Variants in SPATA13 observed in about 807,000 individuals in gnomAD.
SPATA13 encodes spermatogenesis-associated protein 13.
A neutral mutation model predicts 104.0 loss-of-function variants in SPATA13; 50 were observed. That is an observed-to-expected ratio of 0.48 (90% CI 0.38 to 0.61). SPATA13 has a LOEUF of 0.61. Ranked by LOEUF, SPATA13 falls within the 20% of genes least tolerant of loss-of-function variation. The probability of loss-of-function intolerance (pLI) is 0.00; values close to 1 mark genes in which losing one functional copy is unlikely to be tolerated. For synonymous variants in SPATA13, 606 were observed against 667.5 expected, an observed-to-expected ratio of 0.91 and a Z score of 1.42; for missense variants, 1,524 against 1,690.6, an observed-to-expected ratio of 0.90 and a Z score of 1.73.
intron 3 of SPATA13, among the ~76,000 whole-genome samples, chr13:24,025,848 C>T (rs9578669): frequency 0.076 from 11,101 of 146,642 alleles, 603 homozygotes; most frequent in South Asian, 0.14. Flanking sequence ...CTCACTCTAT[C>T]GCCTGGGCTG....
chr13:24,143,692 C>A (rs1261690173), intron 3 of SPATA13, among the ~76,000 whole-genome samples: 1 of 152,154 alleles, frequency 6.6e-6, no homozygotes, highest in Non-Finnish European at 1.5e-5. Flanking sequence ...CCCGAAACGT[C>A]CTCCAGGGGA....
intron 3 of SPATA13, among the ~76,000 whole-genome samples, chr13:24,037,554 T>C (rs368195445): frequency 7.4e-6 from 1 of 135,196 alleles, no homozygotes; most frequent in Admixed American, 7.4e-5. Context: ...ACTACAGGTG[T>C]GCACACCACC....
chr13:24,122,240 G>T, intron 3 of SPATA13: 2 of 1,332,260 alleles, frequency 1.5e-6, no homozygotes, highest in Non-Finnish European at 2.2e-6. Flanking sequence ...AAGATGGTGA[G>T]TCAGAGCCTG....
chr13:24,020,444 G>C (rs1461184960), intron 3 of SPATA13, among the ~76,000 whole-genome samples: 2 of 152,156 alleles, frequency 1.3e-5, no homozygotes, highest in Non-Finnish European at 2.9e-5. Flanking sequence ...TTTAAAAGCA[G>C]ATTCACAATC....
intron 3 of SPATA13, among the ~76,000 whole-genome samples, chr13:24,019,421 A>T (rs897834647): frequency 6.6e-5 from 10 of 152,190 alleles, no homozygotes; most frequent in Admixed American, 5.9e-4. Context: ...AACAGTATAT[A>T]GTTTTATACT....
intron 3 of SPATA13, among the ~76,000 whole-genome samples, chr13:24,119,689 G>T (rs1045309731): frequency 6.6e-6 from 1 of 152,178 alleles, no homozygotes; most frequent in African/African-American, 2.4e-5. Flanking sequence ...CTTAGCAAAA[G>T]AATCTGAACT....
chr13:24,041,332 TTCTC>T (rs1258180208), intron 3 of SPATA13, among the ~76,000 whole-genome samples: 1 of 152,230 alleles, frequency 6.6e-6, no homozygotes, highest in East Asian at 1.9e-4. Context: ...GGGTTTTTGT[TTCTC>T]TCTCTTTCAA....
chr13:24,277,167 G>A (rs547920553), intron 4 of SPATA13, among the ~76,000 whole-genome samples: 204 of 152,038 alleles, frequency 1.3e-3, no homozygotes, highest in African/African-American at 4.6e-3. Flanking sequence ...ACCTTGGGCC[G>A]GGCGCGGTGG....
At chr13:24,162,414 T>C (rs893532045) in intron 1 of SPATA13, 1 of 155,644 alleles carries the variant, frequency 6.4e-6, no homozygotes, top group Non-Finnish European at 1.5e-5. Context: ...CCTGGGTTCC[T>C]TGTGTTCTTC....
At chr13:24,296,788 C>T (rs1043162852) in intron 10 of SPATA13, among the ~76,000 whole-genome samples, 1 of 151,842 alleles carries the variant, frequency 6.6e-6, no homozygotes, top group Non-Finnish European at 1.5e-5. Flanking sequence ...GGCACTGTCA[C>T]ATTTTTCTAG....
chr13:24,269,357 CATGTATGTATGTATGTGTGTATGTATGT>C (rs953354994), intron 4 of SPATA13, among the ~76,000 whole-genome samples: 3 of 146,464 alleles, frequency 2.0e-5, no homozygotes, highest in African/African-American at 7.7e-5. Context: ...ACTTGTTTAA[CATGTATGTATGTATGTGTGTATGTATGT>C]ATGTGTGTAT....
chr13:23,983,509 A>G (rs1449904247), intron 1 of SPATA13, among the ~76,000 whole-genome samples: 1 of 152,194 alleles, frequency 6.6e-6, no homozygotes, highest in Non-Finnish European at 1.5e-5. Context: ...GTGGACACTG[A>G]TCTGTGACTT....
chr13:24,112,772 C>A (rs1288764778), intron 3 of SPATA13, among the ~76,000 whole-genome samples: 1 of 152,228 alleles, frequency 6.6e-6, no homozygotes, highest in African/African-American at 2.4e-5. Context: ...CATCCTTCTT[C>A]TGTAAGACCT....
At chr13:24,043,658 C>T (rs1315403832) in intron 3 of SPATA13, among the ~76,000 whole-genome samples, 1 of 128,404 alleles carries the variant, frequency 7.8e-6, no homozygotes, top group Non-Finnish European at 1.8e-5. Context: ...GTATGTCTCT[C>T]GTAACTTTGA....
intron 3 of SPATA13, among the ~76,000 whole-genome samples, chr13:24,020,093 C>T (rs990976580): frequency 6.6e-6 from 1 of 152,222 alleles, no homozygotes; most frequent in African/African-American, 2.4e-5. Context: ...GCCTCACCGA[C>T]AGCCAGACTT....
chr13:24,251,992 G>A lies in SPATA13; in HGVS notation c.2164+130G>A, dbSNP rs1873520187. On this transcript the variant is annotated intron_variant, in intron 4 of 12. Coordinates refer to ENST00000382108, the MANE Select transcript of SPATA13 (RefSeq NM_001166271.3). ...CAGGGCGCGTTTGTCTGGGAGTGAGGACGGCTCATCTCAGGAGAATGGTGC... is the reference window on the plus strand; with the variant it reads ...CAGGGCGCGTTTGTCTGGGAGTGAGAACGGCTCATCTCAGGAGAATGGTGC... The A allele has an allele frequency of 2.6e-6, 3 of 1,155,536 alleles. No individual in the cohort carries two copies. In the South Asian group the frequency reaches 4.9e-5, roughly 19 times the overall value. 71.6% of individuals were successfully genotyped at this position (1,155,536 alleles called of 1,614,324 possible).
chr13:24,071,376 C>T (rs1308229206), intron 3 of SPATA13, among the ~76,000 whole-genome samples: 2 of 152,208 alleles, frequency 1.3e-5, no homozygotes, highest in South Asian at 2.1e-4. Context: ...AATAACATCA[C>T]CACCACCACC....
At chr13:24,174,170 A>G (rs934247054) in intron 1 of SPATA13, among the ~76,000 whole-genome samples, 1 of 152,124 alleles carries the variant, frequency 6.6e-6, no homozygotes. Flanking sequence ...ATCTTTTCAC[A>G]TTGTGTGAGT....
At chr13:24,134,208 C>G (rs574798820) in intron 3 of SPATA13, among the ~76,000 whole-genome samples, 1 of 152,288 alleles carries the variant, frequency 6.6e-6, no homozygotes, top group South Asian at 2.1e-4. Flanking sequence ...AGCATGAGGA[C>G]TTCGCTGCCT....
Sources: gnomAD v4.1 joint callset for allele counts (sites outside exome capture counted in the v4.1 genomes callset) on GRCh38, gnomAD v4.1.1 for gene constraint, MANE v1.5 for transcripts, NCBI Gene and HGNC (gene_info 2026-07-23, HGNC 2026-07-21) for gene names.